GAREM1: variants seen among roughly 807,000 people sequenced by gnomAD.
The protein encoded by GAREM1 is GRB2 associated regulator of MAPK1 subtype 1, also known as GRB2-associated and regulator of MAPK protein 1.
Under a neutral mutation model 71.3 loss-of-function variants are expected in GAREM1, and 26 were observed. That is an observed-to-expected ratio of 0.36 (90% confidence interval 0.27 to 0.51). The LOEUF is 0.51. GAREM1 is among the 20% of genes least tolerant of loss of function. The pLI is 0.95. For synonymous variants in GAREM1, 440 were observed against 433.2 expected, an observed-to-expected ratio of 1.02 and a Z score of -0.20; for missense variants, 1,026 against 1,103.1, an observed-to-expected ratio of 0.93 and a Z score of 0.99.
intron 1 of GAREM1, among the ~76,000 whole-genome samples, chr18:32,402,604 G>A (rs1345659472): frequency 2.0e-5 from 3 of 151,918 alleles, no homozygotes; most frequent in Admixed American, 6.6e-5. Flanking sequence ...AGGAGCTATC[G>A]AGGCTCCACC....
At chr18:32,274,024 C>T (rs931668106) in intron 4 of GAREM1, among the ~76,000 whole-genome samples, 3 of 152,216 alleles carry the variant, frequency 2.0e-5, no homozygotes, top group East Asian at 1.9e-4. Flanking sequence ...GCTTGCACTA[C>T]GCCAGGCAGG....
intron 1 of GAREM1, among the ~76,000 whole-genome samples, chr18:32,418,189 A>G (rs879682520): frequency 1.3e-5 from 2 of 152,244 alleles, no homozygotes; most frequent in African/African-American, 2.4e-5. Flanking sequence ...AGACTAAAAT[A>G]GAATAATCAC....
chr18:32,428,182 A>T (rs1193145153), intron 1 of GAREM1, among the ~76,000 whole-genome samples: 1 of 152,224 alleles, frequency 6.6e-6, no homozygotes, highest in East Asian at 1.9e-4. Flanking sequence ...TGCAAGTTTG[A>T]TAAATTTTGT....
At position 32,345,330 on chromosome 18, in the gene GAREM1, C is replaced by T. The variant is rs557289497; in HGVS notation, c.263-35007G>A. Among the ~76,000 whole-genome samples, 9 of 152,214 alleles carry T rather than the reference C, an allele frequency of 5.9e-5. No homozygotes were observed. In the South Asian group the frequency reaches 1.9e-3, roughly 32 times the overall value. ...ACCAATATAGCACAGGGAGTCTTCT[C>T]CAATCATATTTCATTTTTGAAATAT... is the stretch of plus-strand genomic sequence containing the variant. On this transcript the variant is annotated intron_variant, in intron 2 of 5. Transcript: ENST00000269209.
At chr18:32,455,105 A>G (rs1319178507) in intron 1 of GAREM1, among the ~76,000 whole-genome samples, 1 of 152,226 alleles carries the variant, frequency 6.6e-6, no homozygotes, top group Non-Finnish European at 1.5e-5. Context: ...AAGGTTATGT[A>G]GTAGACAAAA....
chr18:32,364,012 A>ATGTGT (rs2047897309), intron 2 of GAREM1, among the ~76,000 whole-genome samples: 1 of 51,466 alleles, frequency 1.9e-5, no homozygotes, highest in Non-Finnish European at 3.4e-5. Flanking sequence ...ATATATATAT[A>ATGTGT]TATATATATA....
At chr18:32,442,243 C>G (rs1209323965) in intron 1 of GAREM1, among the ~76,000 whole-genome samples, 6 of 152,060 alleles carry the variant, frequency 3.9e-5, no homozygotes, top group Admixed American at 2.6e-4. Context: ...TTTTTACAAC[C>G]ATAAAATGTG....
At chr18:32,369,738 T>C (rs751032214) in intron 2 of GAREM1, among the ~76,000 whole-genome samples, 9 of 152,208 alleles carry the variant, frequency 5.9e-5, no homozygotes, top group Non-Finnish European at 1.3e-4. Flanking sequence ...ATCTTGTCAA[T>C]AAAGAAAGAA....
chr18:32,392,987 G>C lies in GAREM1; in HGVS notation c.170C>G (p.Ser57Cys). 1 of 1,613,816 alleles carries C rather than the reference G, an allele frequency of 6.2e-7. No homozygotes were observed. The highest frequency in any genetic ancestry group is 8.5e-7 in the Non-Finnish European group (1 of 1,179,856). ...AGTGATGGTGGTCCACTGGCGGCAG[G>C]AATGAATCAGCAGATAGTCATTTTC... ...LRENDYLLIHSCRQWTTITAH... is the reference protein window; with the variant it reads ...LRENDYLLIHCCRQWTTITAH... The change falls in exon 2 of 6, where the codon TCC becomes TGC. Residue 57 changes from serine (S) to cysteine (C), a missense_variant. Ser to Cys is a moderately radical substitution (Grantham distance 112, BLOSUM62 -1). Around this residue, in one of 3 missense-constraint regions of GAREM1, gnomAD observed 172 missense variants for 175.2 expected, o/e 0.98. Coordinates refer to ENST00000269209, the MANE Select transcript of GAREM1 (RefSeq NM_001242409.2).
chr18:32,371,959 A>T (rs940680602), intron 2 of GAREM1, among the ~76,000 whole-genome samples: 5 of 152,208 alleles, frequency 3.3e-5, no homozygotes, highest in African/African-American at 9.7e-5. Flanking sequence ...TGAGAAAGAG[A>T]GTCAGACCAC....
chr18:32,391,487 C>T (rs1354443201), intron 2 of GAREM1, among the ~76,000 whole-genome samples: 2 of 152,132 alleles, frequency 1.3e-5, no homozygotes, highest in African/African-American at 4.8e-5. Context: ...ACGTAATTTC[C>T]TCATAGATGA....
intron 2 of GAREM1, among the ~76,000 whole-genome samples, chr18:32,361,543 T>C (rs2047865871): frequency 6.6e-6 from 1 of 152,194 alleles, no homozygotes. Context: ...CGAACTCTCT[T>C]CAAGTTTTGA....
At chr18:32,356,513 G>A (rs1433991551) in intron 2 of GAREM1, among the ~76,000 whole-genome samples, 2 of 151,896 alleles carry the variant, frequency 1.3e-5, no homozygotes, top group Non-Finnish European at 2.9e-5. Context: ...CTGCTCCTCT[G>A]TCCATTAACA....
chr18:32,410,621 C>T (rs561977708), intron 1 of GAREM1, among the ~76,000 whole-genome samples: 1 of 152,154 alleles, frequency 6.6e-6, no homozygotes, highest in East Asian at 1.9e-4. Context: ...AAGCATGGTT[C>T]TATTATTAAT....
intron 1 of GAREM1, among the ~76,000 whole-genome samples, chr18:32,441,035 C>T (rs2048731695): frequency 6.6e-6 from 1 of 151,978 alleles, no homozygotes. Flanking sequence ...AAAAATAGTA[C>T]CTCTTACAAG....
chr18:32,323,586 G>A (rs1479182758), intron 2 of GAREM1, among the ~76,000 whole-genome samples: 1 of 152,148 alleles, frequency 6.6e-6, no homozygotes, highest in Non-Finnish European at 1.5e-5. Context: ...GTGTGCACCT[G>A]TAATCCCAGA....
chr18:32,428,901 C>G (rs560209034), intron 1 of GAREM1, among the ~76,000 whole-genome samples: 1 of 151,960 alleles, frequency 6.6e-6, no homozygotes, highest in Admixed American at 6.5e-5. Context: ...CCTGATAGTC[C>G]TCTATTCTCC....
chr18:32,372,413 AACAGAC>A (rs2047990382), intron 2 of GAREM1, among the ~76,000 whole-genome samples: 1 of 152,216 alleles, frequency 6.6e-6, no homozygotes. Flanking sequence ...CAGCCTAGGA[AACAGAC>A]ACACCCAATC....
chr18:32,296,819 G>A (rs1297697703), intron 3 of GAREM1, among the ~76,000 whole-genome samples: 1 of 151,866 alleles, frequency 6.6e-6, no homozygotes, highest in Admixed American at 6.6e-5. Context: ...GGGACTAGAG[G>A]AACAGGCTGC....
Sources: allele counts gnomAD v4.1 joint callset (sites outside exome capture counted in the v4.1 genomes callset), GRCh38; gene constraint gnomAD v4.1.1; regional missense constraint gnomAD v4.1.1; transcripts MANE v1.5; gene names NCBI Gene and HGNC (gene_info 2026-07-23, HGNC 2026-07-21).